The following CREBL2 variants were observed in gnomAD, a reference collection of about 807,000 sequenced individuals.
CREBL2 encodes the protein cAMP responsive element binding protein like 2, also known as cAMP-responsive element-binding protein-like 2.
CREBL2 carries 4 observed loss-of-function variants against 19.5 expected under a neutral mutation model. The observed-to-expected ratio is 0.20, with a 90% CI of 0.10 to 0.47. The LOEUF (loss-of-function observed/expected upper bound fraction) is 0.47, where lower values mean the gene tolerates loss of function less well. CREBL2 is among the 20% of genes least tolerant of loss of function. The probability of loss-of-function intolerance (pLI) is 0.98; values close to 1 mark genes in which losing one functional copy is unlikely to be tolerated. For missense variants in CREBL2, 85 were observed against 145.1 expected, an observed-to-expected ratio of 0.59 and a Z score of 2.13; for synonymous variants, 42 against 46.6, an observed-to-expected ratio of 0.90 and a Z score of 0.40.
At chr12:12,636,644 A>G (rs1379770269) in intron 2 of CREBL2, among the ~76,000 whole-genome samples, 1 of 152,134 alleles carries the variant, frequency 6.6e-6, no homozygotes, top group African/African-American at 2.4e-5. Context: ...GATGGTCTCA[A>G]TCTCCTGACC....
chr12:12,621,495 G>A (rs1298482065), intron 1 of CREBL2, among the ~76,000 whole-genome samples: 1 of 139,982 alleles, frequency 7.1e-6, no homozygotes, highest in Admixed American at 7.5e-5. Flanking sequence ...TCCAGCCTGG[G>A]CAACAAGAGC....
At position 12,642,018 on chromosome 12, in the gene CREBL2, C is replaced by T; in HGVS notation, c.*20C>T. ...GGGTGAAGATTATATAAAGATGAGTCAGTGATTGAAGCCAATATTCTGATT... is the reference window on the plus strand; with the variant it reads ...GGGTGAAGATTATATAAAGATGAGTTAGTGATTGAAGCCAATATTCTGATT... On this transcript the variant is annotated 3_prime_UTR_variant, in exon 4 of 4. Transcript: ENST00000228865. 1 of 1,560,524 alleles carries T rather than the reference C, an allele frequency of 6.4e-7. No homozygotes were observed. The highest frequency in any genetic ancestry group is 8.8e-7 in the Non-Finnish European group (1 of 1,137,880).
intron 1 of CREBL2, among the ~76,000 whole-genome samples, chr12:12,617,584 G>GTGATTCCT (rs1483756426): frequency 7.4e-6 from 1 of 134,934 alleles, no homozygotes; most frequent in Non-Finnish European, 1.5e-5. Context: ...TTACCTAACA[G>GTGATTCCT]TGATTCCTTG....
chr12:12,625,660 G>GAAGTCTCTGGACTAAAATCTTGTC (rs1592239556), intron 1 of CREBL2, among the ~76,000 whole-genome samples: 1 of 152,270 alleles, frequency 6.6e-6, no homozygotes, highest in South Asian at 2.1e-4. Context: ...TGCTCTGATG[G>GAAGTCTCTGGACTAAAATCTTGTC]AAGTCTCTGG....
chr12:12,639,931 A>T (rs1008500938), intron 3 of CREBL2, among the ~76,000 whole-genome samples: 4 of 152,194 alleles, frequency 2.6e-5, no homozygotes, highest in African/African-American at 9.7e-5. Context: ...AAGCAGAGCC[A>T]CTAATAAGGG....
intron 1 of CREBL2, among the ~76,000 whole-genome samples, chr12:12,630,851 C>T (rs2136304229): frequency 6.6e-6 from 1 of 152,282 alleles, no homozygotes; most frequent in South Asian, 2.1e-4. Context: ...ATCACAATTG[C>T]CATCTATTTT....
chr12:12,625,845 G>A (rs1945397433), intron 1 of CREBL2, among the ~76,000 whole-genome samples: 1 of 152,156 alleles, frequency 6.6e-6, no homozygotes, highest in African/African-American at 2.4e-5. Flanking sequence ...AAGATTAAGT[G>A]TCCTATTGTT....
intron 1 of CREBL2, among the ~76,000 whole-genome samples, chr12:12,628,940 A>G (rs2136303628): frequency 6.6e-6 from 1 of 152,254 alleles, no homozygotes; most frequent in East Asian, 1.9e-4. Context: ...AAACGTAAGG[A>G]TTTATTTCTG....
rs79246926 is a variant in CREBL2, at chr12:12,630,934, T to C, written c.16-4843T>C. Among the ~76,000 whole-genome samples, 501 of 152,362 alleles carry C rather than the reference T, an allele frequency of 3.3e-3. 2 individuals carry two copies. Among genetic ancestry groups the C allele is most frequent in the African/African-American group, 0.011 (458 of 41,578 alleles). ...CACATTGGTTATTTAAGAATGTCTT[T>C]TGTTTTTTAACTGTCATTTATTAAA... On this transcript the variant is annotated intron_variant, in intron 1 of 3. Coordinates refer to ENST00000228865, the MANE Select transcript of CREBL2 (RefSeq NM_001310.4).
intron 1 of CREBL2, among the ~76,000 whole-genome samples, chr12:12,619,480 A>G (rs545194774): frequency 4.6e-5 from 7 of 152,196 alleles, no homozygotes; most frequent in African/African-American, 1.7e-4. Flanking sequence ...GGTGGTATGC[A>G]GCTATAATCC....
chr12:12,641,973 T>TTGG (rs1177137896), intron 3 of CREBL2, 21 bp from the exon 4 acceptor site: 1 of 1,526,904 alleles, frequency 6.5e-7, no homozygotes, highest in African/African-American at 1.4e-5. Flanking sequence ...CATTCTTACA[T>TTGG]TGGTAACTTT....
chr12:12,634,317 A>C (rs1945459565), intron 1 of CREBL2, among the ~76,000 whole-genome samples: 1 of 152,262 alleles, frequency 6.6e-6, no homozygotes, highest in Non-Finnish European at 1.5e-5. Flanking sequence ...AACAATGAAG[A>C]AGATTAAATT....
At chr12:12,627,703 T>C (rs1945413087) in intron 1 of CREBL2, among the ~76,000 whole-genome samples, 1 of 152,226 alleles carries the variant, frequency 6.6e-6, no homozygotes, top group Non-Finnish European at 1.5e-5. Flanking sequence ...CAAGTTCTAA[T>C]GTGGACCTAT....
At chr12:12,639,021 G>A (rs1483180769) in intron 3 of CREBL2, among the ~76,000 whole-genome samples, 1 of 151,996 alleles carries the variant, frequency 6.6e-6, no homozygotes, top group African/African-American at 2.4e-5. Flanking sequence ...TGTCTCTATG[G>A]ATTTACCTAT....
At chr12:12,614,663 C>CTT in intron 1 of CREBL2, 1 of 290,238 alleles carries the variant, frequency 3.4e-6, no homozygotes, top group Non-Finnish European at 6.7e-6. Context: ...GTCTCACTGG[C>CTT]TTTTTTTTCT....
chr12:12,621,571 C>T (rs1363961203), intron 1 of CREBL2, among the ~76,000 whole-genome samples: 1 of 151,118 alleles, frequency 6.6e-6, no homozygotes, highest in African/African-American at 2.4e-5. Context: ...TTTGAGTTGC[C>T]AGCAGGGCGG....
At chr12:12,629,438 A>T (rs1396799949) in intron 1 of CREBL2, among the ~76,000 whole-genome samples, 1 of 152,106 alleles carries the variant, frequency 6.6e-6, no homozygotes, top group Non-Finnish European at 1.5e-5. Context: ...GTGTGTAGAA[A>T]CACAACTGAT....
chr12:12,624,713 T>C (rs1482367587), intron 1 of CREBL2, among the ~76,000 whole-genome samples: 1 of 152,214 alleles, frequency 6.6e-6, no homozygotes, highest in African/African-American at 2.4e-5. Context: ...AGCTCAACTG[T>C]TAATAGCTCA....
At chr12:12,640,087 A>C (rs1342073517) in intron 3 of CREBL2, among the ~76,000 whole-genome samples, 1 of 152,210 alleles carries the variant, frequency 6.6e-6, no homozygotes, top group Non-Finnish European at 1.5e-5. Flanking sequence ...TATTGTCTTG[A>C]TAAACATCTT....
Sources: gnomAD v4.1 joint callset for allele counts (sites outside exome capture counted in the v4.1 genomes callset) on GRCh38, gnomAD v4.1.1 for gene constraint, MANE v1.5 for transcripts, NCBI Gene and HGNC (gene_info 2026-07-23, HGNC 2026-07-21) for gene names.